IL1RAPL2: variants seen among roughly 807,000 people sequenced by gnomAD.
IL1RAPL2 encodes the protein interleukin 1 receptor accessory protein like 2.
IL1RAPL2 carries 3 observed loss-of-function variants against 44.1 expected under a neutral mutation model. That is an observed-to-expected ratio of 0.07 (90% CI 0.03 to 0.18). The LOEUF is 0.18. Ranked by LOEUF, IL1RAPL2 falls within the 10% of genes least tolerant of loss-of-function variation. IL1RAPL2 has a pLI of 1.00. For synonymous variants in IL1RAPL2, 181 were observed against 178.8 expected (o/e 1.01, Z -0.10); for missense variants, 391 against 496.4 (o/e 0.79, Z 2.02).
intron 5 of IL1RAPL2, among the ~76,000 whole-genome samples, chrX:105,333,961 G>A: frequency 9.0e-6 from 1 of 111,591 alleles, no homozygotes; most frequent in East Asian, 2.8e-4. Flanking sequence ...AGTCCAATTT[G>A]GAAGCTCCTA....
At chrX:105,034,631 T>C (rs2031586725) in intron 2 of IL1RAPL2, among the ~76,000 whole-genome samples, 1 of 112,121 alleles carries the variant, frequency 8.9e-6, no homozygotes, top group Non-Finnish European at 1.9e-5. Context: ...CCCGGTCATG[T>C]GAGGTGTCAG....
At chrX:105,389,901 C>T (rs1024612436) in intron 5 of IL1RAPL2, among the ~76,000 whole-genome samples, 1 of 110,854 alleles carries the variant, frequency 9.0e-6, no homozygotes, top group Non-Finnish European at 1.9e-5. Flanking sequence ...AGATTTGCCT[C>T]CCCACCACTT....
At chrX:105,751,527 G>A (rs1017392353) in intron 9 of IL1RAPL2, among the ~76,000 whole-genome samples, 8 of 111,137 alleles carry the variant, frequency 7.2e-5, no homozygotes, top group Non-Finnish European at 1.5e-4. Flanking sequence ...ATTCCACTTT[G>A]CATCTTTATC....
At chrX:104,674,764 A>T (rs1462929416) in intron 2 of IL1RAPL2, among the ~76,000 whole-genome samples, 4 of 110,357 alleles carry the variant, frequency 3.6e-5, no homozygotes, top group Non-Finnish European at 7.6e-5. Context: ...GATTATTGCC[A>T]CAATTTCAGA....
At chrX:104,792,143 G>T (rs1316112834) in intron 2 of IL1RAPL2, among the ~76,000 whole-genome samples, 2 of 110,495 alleles carry the variant, frequency 1.8e-5, no homozygotes, top group Non-Finnish European at 3.8e-5. Flanking sequence ...GGAAACTGAG[G>T]TTCAGAAAGA....
At position 105,457,033 on chromosome X, in the gene IL1RAPL2, T is replaced by TACACACAC. The variant is rs58305468; in HGVS notation, c.698-27240_698-27233dup. Among the ~76,000 whole-genome samples, 853 of 85,304 alleles carry TACACACAC rather than the reference T, an allele frequency of 1.0e-2. 8 individuals are homozygous for TACACACAC. The highest frequency in any genetic ancestry group is 0.021 in the East Asian group (55 of 2,658). 74.1% of individuals were successfully genotyped at this position (85,304 alleles called of 115,157 possible). On this transcript the variant is annotated intron_variant, in intron 5 of 10. Coordinates refer to ENST00000372582, the MANE Select transcript of IL1RAPL2 (RefSeq NM_017416.2). Reference sequence around the variant, plus strand: ...ATTGCTGGTTATTTATCTAAAGTTATACACACACACACACACACACACACA... The same window carrying TACACACAC: ...ATTGCTGGTTATTTATCTAAAGTTATACACACACACACACACACACACACACACACACA...
intron 2 of IL1RAPL2, among the ~76,000 whole-genome samples, chrX:104,931,968 G>A (rs1924912133): frequency 1.1e-5 from 1 of 93,642 alleles, no homozygotes; most frequent in Non-Finnish European, 2.1e-5. Flanking sequence ...GTGTGTGTGT[G>A]TGTGTGTTTG....
At chrX:105,108,961 CT>C (rs778044664) in intron 2 of IL1RAPL2, among the ~76,000 whole-genome samples, 1 of 111,734 alleles carries the variant, frequency 8.9e-6, no homozygotes, top group East Asian at 2.8e-4. Flanking sequence ...CATCTTGTAC[CT>C]TTCTCCCATT....
chrX:105,704,819 T>A lies in IL1RAPL2; in HGVS notation c.773-12548T>A, dbSNP rs2038151514. Among the ~76,000 whole-genome samples the A allele has an allele frequency of 2.7e-5, 3 of 110,703 alleles. No homozygotes were observed. In the Admixed American group the frequency reaches 2.9e-4, roughly 11 times the overall value. ...AACAGGAGAGGCAGCAATTTTAATG[T>A]TAAAGTTTTACTATATACGATGTAA... On this transcript the variant is annotated intron_variant, in intron 6 of 10. Transcript: ENST00000372582.
chrX:105,589,093 A>G (rs1216366941), intron 6 of IL1RAPL2, among the ~76,000 whole-genome samples: 1 of 111,851 alleles, frequency 8.9e-6, no homozygotes, highest in Non-Finnish European at 1.9e-5. Context: ...GTGGAGTGAG[A>G]TGATATCTCA....
At chrX:105,766,351 G>A (rs2147600516) in intron 10 of IL1RAPL2, among the ~76,000 whole-genome samples, 1 of 111,223 alleles carries the variant, frequency 9.0e-6, no homozygotes, top group South Asian at 3.8e-4. Flanking sequence ...GAGAACCTAA[G>A]TTTGCAAATG....
rs938850052 is a variant in IL1RAPL2, at chrX:105,469,795, T to G, written c.698-14518T>G. On this transcript the variant is annotated intron_variant, in intron 5 of 10. Coordinates refer to ENST00000372582, the MANE Select transcript of IL1RAPL2 (RefSeq NM_017416.2). ...CACCTAATTTCTTAATGCCTCAGTT[T>G]TTTCCTATAAAATGGAGATAATAAT... 2.7e-5 allele frequency among the ~76,000 whole-genome samples: 3 copies of G among 111,179 alleles called. No individual in the cohort carries two copies. In the East Asian group the frequency reaches 8.5e-4, roughly 32 times the overall value.
chrX:104,695,927 C>A (rs1217576596), intron 2 of IL1RAPL2, among the ~76,000 whole-genome samples: 1 of 111,228 alleles, frequency 9.0e-6, no homozygotes, highest in African/African-American at 3.3e-5. Flanking sequence ...CCTGCTTCAG[C>A]CTCCTGAGTA....
intron 3 of IL1RAPL2, among the ~76,000 whole-genome samples, chrX:105,225,762 C>T (rs781991687): frequency 4.3e-4 from 47 of 109,306 alleles, no homozygotes; most frequent in Non-Finnish European, 8.2e-4. Flanking sequence ...TCTTGGCTCA[C>T]TGCAACCTCC....
intron 1 of IL1RAPL2, among the ~76,000 whole-genome samples, chrX:104,640,505 G>C (rs1929912119): frequency 9.0e-6 from 1 of 111,367 alleles, no homozygotes. Context: ...TTTTTCATTG[G>C]AATCTGTTGC....
intron 2 of IL1RAPL2, among the ~76,000 whole-genome samples, chrX:104,910,558 C>T (rs1435915860): frequency 1.8e-5 from 2 of 111,707 alleles, no homozygotes; most frequent in African/African-American, 6.5e-5. Flanking sequence ...GTGATGTTCC[C>T]CTCCCTGTGT....
At chrX:104,685,333 C>T (rs771991571) in intron 2 of IL1RAPL2, among the ~76,000 whole-genome samples, 1 of 111,904 alleles carries the variant, frequency 8.9e-6, no homozygotes, top group South Asian at 3.8e-4. Flanking sequence ...TCTCTTCTTG[C>T]TGTAAGATAT....
chrX:104,946,379 C>CAAAAAAA (rs1157603029), intron 2 of IL1RAPL2, among the ~76,000 whole-genome samples: 2,469 of 9,117 alleles, frequency 0.27, 968 homozygotes, highest in Middle Eastern at 0.67. Flanking sequence ...GACTCCGTCT[C>CAAAAAAA]AAAAAAAAAA....
At chrX:105,538,327 C>T (rs5916921) in intron 6 of IL1RAPL2, among the ~76,000 whole-genome samples, 37,994 of 109,261 alleles carry the variant, frequency 0.35, 5,444 homozygotes, top group Middle Eastern at 0.46. Context: ...TGAGCCACTG[C>T]GCCCGGCCAA....
Sources: gnomAD v4.1 joint callset for allele counts (sites outside exome capture counted in the v4.1 genomes callset) on GRCh38, gnomAD v4.1.1 for gene constraint, MANE v1.5 for transcripts, NCBI Gene and HGNC (gene_info 2026-07-23, HGNC 2026-07-21) for gene names.